ITGA8: variants seen among roughly 807,000 people sequenced by gnomAD.
The protein encoded by ITGA8 is integrin alpha-8.
ITGA8 carries 91 observed loss-of-function variants against 142.3 expected under a neutral mutation model. The observed-to-expected ratio is 0.64, with a 90% CI of 0.54 to 0.76. ITGA8 has a LOEUF of 0.76. ITGA8 is among the 30% of genes least tolerant of loss of function. The pLI is 0.00. For synonymous variants in ITGA8, 505 were observed against 485.2 expected, an observed-to-expected ratio of 1.04 and a Z score of -0.54; for missense variants, 1,406 against 1,327.7, an observed-to-expected ratio of 1.06 and a Z score of -0.92.
chr10:15,519,099 A>G (rs1164224069), intron 29 of ITGA8, among the ~76,000 whole-genome samples, 191 bp downstream of exon 29: 1 of 152,232 alleles, frequency 6.6e-6, no homozygotes, highest in Non-Finnish European at 1.5e-5. Context: ...TAGTCATCTT[A>G]AATGTCAGCT....
At chr10:15,595,489 A>G (rs1832996931) in intron 21 of ITGA8, among the ~76,000 whole-genome samples, 1 of 152,220 alleles carries the variant, frequency 6.6e-6, no homozygotes, top group Admixed American at 6.5e-5. Flanking sequence ...AATATAAACA[A>G]TTTACTTCCC....
chr10:15,632,591 A>G (rs1310063711), intron 13 of ITGA8, among the ~76,000 whole-genome samples: 1 of 152,178 alleles, frequency 6.6e-6, no homozygotes, highest in Non-Finnish European at 1.5e-5. Context: ...GGGCAGAAGC[A>G]GGTCGGTATT....
At chr10:15,597,127 G>A in intron 21 of ITGA8, 80 bp downstream of exon 21, 3 of 1,099,348 alleles carry the variant, frequency 2.7e-6, no homozygotes, top group South Asian at 2.5e-5. Flanking sequence ...GTTGCTGAGT[G>A]GTAACTGGAG....
intron 24 of ITGA8, among the ~76,000 whole-genome samples, chr10:15,574,730 A>G (rs189935392): frequency 5.1e-4 from 77 of 151,560 alleles, no homozygotes; most frequent in African/African-American, 1.8e-3. Context: ...TTTTAGCACA[A>G]TAATGAATAG....
At chr10:15,618,138 T>C (rs764245411) in intron 13 of ITGA8, among the ~76,000 whole-genome samples, 1 of 152,160 alleles carries the variant, frequency 6.6e-6, no homozygotes, top group Non-Finnish European at 1.5e-5. Flanking sequence ...GTGTTCAATA[T>C]CTGAGTGATG....
intron 13 of ITGA8, among the ~76,000 whole-genome samples, chr10:15,619,704 A>C (rs1285064640): frequency 7.0e-6 from 1 of 143,132 alleles, no homozygotes. Context: ...ACAGATTGGT[A>C]CTTTTTTTTT....
intron 13 of ITGA8, among the ~76,000 whole-genome samples, chr10:15,637,629 A>G (rs1368343853): frequency 6.6e-6 from 1 of 151,170 alleles, no homozygotes; most frequent in Non-Finnish European, 1.5e-5. Context: ...CTCCCACTTC[A>G]GACTCCCAAG....
At chr10:15,672,819 A>T in intron 6 of ITGA8, 70 bp from the exon 7 acceptor site, 1 of 1,429,842 alleles carries the variant, frequency 7.0e-7, no homozygotes, top group Non-Finnish European at 9.3e-7. Flanking sequence ...GCAGACCCAC[A>T]TTCCCTTGAA....
At chr10:15,685,280 G>T (rs1834814893) in intron 3 of ITGA8, among the ~76,000 whole-genome samples, 1 of 152,144 alleles carries the variant, frequency 6.6e-6, no homozygotes, top group African/African-American at 2.4e-5. Context: ...TTTCATAAAT[G>T]CCCTCTCCAT....
intron 2 of ITGA8, among the ~76,000 whole-genome samples, chr10:15,688,332 G>A (rs548252306): frequency 6.0e-5 from 9 of 150,086 alleles, no homozygotes; most frequent in Admixed American, 2.0e-4. Context: ...AATGCTGGGC[G>A]TGGTGGCTTA....
At chr10:15,638,159 T>C (rs1435623161) in intron 13 of ITGA8, among the ~76,000 whole-genome samples, 1 of 152,204 alleles carries the variant, frequency 6.6e-6, no homozygotes, top group African/African-American at 2.4e-5. Flanking sequence ...AAAACATCTG[T>C]AGCATGCAGA....
chr10:15,719,884 G>T lies in ITGA8; in HGVS notation c.-113C>A. 1 of 835,392 alleles carries T rather than the reference G, an allele frequency of 1.2e-6. No homozygotes were observed. Among genetic ancestry groups the T allele is most frequent in the Non-Finnish European group, 1.6e-6 (1 of 617,308 alleles). The allele number at this position is 835,392 out of a possible 1,614,324, so 51.7% of individuals were successfully genotyped here. On this transcript the variant is annotated 5_prime_UTR_variant, in exon 1 of 30. Transcript: ENST00000378076. ...CCCCAGCTGCCCGTGTCCCGGGTCG[G>T]TGCGCTCGGCGCACCCGTGGTGACA...
intron 27 of ITGA8, among the ~76,000 whole-genome samples, chr10:15,546,780 A>G (rs1833679336): frequency 6.7e-6 from 1 of 149,832 alleles, no homozygotes; most frequent in Non-Finnish European, 1.5e-5. Flanking sequence ...AGAGACACAG[A>G]AAAAGCAATG....
chr10:15,558,151 A>G lies in ITGA8; in HGVS notation c.2689T>C (p.Ser897Pro). Residue 897 changes from serine (S) to proline (P), a missense_variant, in exon 26 of 30, where the codon TCT becomes CCT. Physicochemically the swap from Ser to Pro is moderately conservative, Grantham distance 74. Coordinates refer to ENST00000378076, the MANE Select transcript of ITGA8 (RefSeq NM_003638.3). ...TTCCTGACAAGATGAGGAATAGTAG[A>G]GTTTCGCAAAAAGGCGCTGAGCTCA... ...TPELSAFLRN[S>P]TIPHLVRKRD... 6.2e-7 allele frequency: 1 copy of G among 1,614,246 alleles called. No individual in the cohort carries two copies. The highest frequency in any genetic ancestry group is 8.5e-7 in the Non-Finnish European group (1 of 1,180,048).
At chr10:15,585,204 A>AT (rs1832801700) in intron 23 of ITGA8, among the ~76,000 whole-genome samples, 1 of 152,242 alleles carries the variant, frequency 6.6e-6, no homozygotes, top group Non-Finnish European at 1.5e-5. Context: ...GATAAGTTTC[A>AT]AAAAACTATA....
intron 2 of ITGA8, among the ~76,000 whole-genome samples, chr10:15,716,622 G>C (rs1835456382): frequency 6.6e-6 from 1 of 151,544 alleles, no homozygotes; most frequent in Admixed American, 6.6e-5. Context: ...TGAATTCAAG[G>C]CTTCAAGCAA....
At chr10:15,580,314 C>G (rs1216324290) in intron 23 of ITGA8, among the ~76,000 whole-genome samples, 1 of 151,854 alleles carries the variant, frequency 6.6e-6, no homozygotes, top group East Asian at 1.9e-4. Flanking sequence ...GAGAAACTAC[C>G]AAAGCCCATT....
intron 27 of ITGA8, among the ~76,000 whole-genome samples, chr10:15,545,387 C>T (rs1388940191): frequency 6.6e-6 from 1 of 152,202 alleles, no homozygotes. Flanking sequence ...CCACCATTTC[C>T]CTCTGGACTA....
At chr10:15,672,522 A>T in intron 7 of ITGA8, 102 bp downstream of exon 7, 2 of 1,365,442 alleles carry the variant, frequency 1.5e-6, no homozygotes, top group Non-Finnish European at 2.0e-6. Flanking sequence ...CATTTGTATA[A>T]GATGCCAAAT....
Sources: gnomAD v4.1 joint callset for allele counts (sites outside exome capture counted in the v4.1 genomes callset) on GRCh38, gnomAD v4.1.1 for gene constraint, MANE v1.5 for transcripts, NCBI Gene and HGNC (gene_info 2026-07-23, HGNC 2026-07-21) for gene names.